Variants in METTL15 observed in about 807,000 individuals in gnomAD.
METTL15 encodes the protein methyltransferase 15, mitochondrial 12S rRNA N4-cytidine, also known as 12S rRNA N(4)-cytidine methyltransferase METTL15.
A neutral mutation model predicts 38.3 loss-of-function variants in METTL15; 34 were observed. That is an observed-to-expected ratio of 0.89 (90% CI 0.68 to 1.18). The LOEUF is 1.18. Ranked by LOEUF, METTL15 falls within the 50% of genes most tolerant of loss-of-function variation. The pLI is 0.00. For synonymous variants in METTL15, 162 were observed against 170.9 expected (o/e 0.95, Z 0.41); for missense variants, 438 against 498.4 (o/e 0.88, Z 1.15).
chr11:28,160,158 G>A (rs568636123), intron 3 of METTL15, among the ~76,000 whole-genome samples: 2 of 151,900 alleles, frequency 1.3e-5, no homozygotes, highest in South Asian at 2.1e-4. Context: ...CTTGGACTTC[G>A]GACTCCGTGT....
At chr11:28,168,092 A>G (rs1483858) in intron 3 of METTL15, among the ~76,000 whole-genome samples, 57,170 of 151,744 alleles carry the variant, frequency 0.38, 12,307 homozygotes, top group African/African-American at 0.59. Context: ...TCAGTTTTTT[A>G]CTTTCTTTTT....
chr11:28,417,103 C>A, intron 5 of METTL15, among the ~76,000 whole-genome samples: 1 of 152,082 alleles, frequency 6.6e-6, no homozygotes, highest in East Asian at 1.9e-4. Flanking sequence ...CTATGTCTGG[C>A]CTTAGTGAGA....
At chr11:28,426,222 AT>A (rs1850862645) in intron 6 of METTL15, among the ~76,000 whole-genome samples, 1 of 151,902 alleles carries the variant, frequency 6.6e-6, no homozygotes, top group Non-Finnish European at 1.5e-5. Flanking sequence ...CCCTGTGTTA[AT>A]TTGCTGAGGA....
At chr11:28,294,387 C>T (rs541524783) in intron 5 of METTL15, among the ~76,000 whole-genome samples, 1 of 152,262 alleles carries the variant, frequency 6.6e-6, no homozygotes, top group South Asian at 2.1e-4. Flanking sequence ...GGAGATGTAT[C>T]CCTGTGATGA....
intron 1 of METTL15, among the ~76,000 whole-genome samples, chr11:28,108,807 T>C (rs987105084): frequency 6.6e-6 from 1 of 152,212 alleles, no homozygotes; most frequent in Non-Finnish European, 1.5e-5. Flanking sequence ...AGATTTTGGC[T>C]TGGTTTATTA....
At position 28,467,015 on chromosome 11, in the gene METTL15, C is replaced by A. The variant is rs186746112; in HGVS notation, c.*424+42651C>A. Among the ~76,000 whole-genome samples, 4 of 152,280 alleles carry A rather than the reference C, an allele frequency of 2.6e-5. No homozygotes were observed. The East Asian group carries it at 5.8e-4, about 22-fold the overall frequency. On this transcript the variant is annotated intron_variant and NMD_transcript_variant, in intron 6 of 7. Coordinates refer to the METTL15 transcript ENST00000532947. ...GAAAAGTGCACATGAATTCTGGTGG[C>A]CTGGCCTGAAATATCCCTCTCCCAG... is the stretch of plus-strand genomic sequence containing the variant.
chr11:28,334,690 T>C (rs1023578800), downstream of METTL15, among the ~76,000 whole-genome samples: 2 of 152,186 alleles, frequency 1.3e-5, no homozygotes, highest in Non-Finnish European at 2.9e-5. Flanking sequence ...CTTATCTGTT[T>C]ATAGCTACTA....
intron 5 of METTL15, among the ~76,000 whole-genome samples, chr11:28,385,077 C>T (rs996163294): frequency 6.6e-6 from 1 of 152,108 alleles, no homozygotes; most frequent in Non-Finnish European, 1.5e-5. Context: ...CAAATATTTT[C>T]TTCCATTATG....
rs150561635 is a variant in METTL15, at chr11:28,281,912, A to G, written c.408-8294A>G. Among the ~76,000 whole-genome samples, 98 of 152,298 alleles carry G rather than the reference A, an allele frequency of 6.4e-4. 1 individual carries two copies. The highest frequency in any genetic ancestry group is 2.3e-3 in the African/African-American group (94 of 41,556). On this transcript the variant is annotated intron_variant, in intron 4 of 6. Coordinates refer to ENST00000407364, the MANE Select transcript of METTL15 (RefSeq NM_001113528.2). ...TTCCAGAGTGGGGAAAGATTACTCC[A>G]CTGAATAAATTTTAAAAGGGTTACT... is the stretch of plus-strand genomic sequence containing the variant.
chr11:28,156,893 T>C (rs1850283389), intron 3 of METTL15, among the ~76,000 whole-genome samples: 2 of 152,180 alleles, frequency 1.3e-5, no homozygotes, highest in Admixed American at 1.3e-4. Context: ...GAAAAATATC[T>C]TTGACAGCAA....
At chr11:28,242,155 G>A (rs571388914) in intron 4 of METTL15, among the ~76,000 whole-genome samples, 89 of 152,230 alleles carry the variant, frequency 5.8e-4, no homozygotes, top group African/African-American at 2.0e-3. Flanking sequence ...TTTGGTATTT[G>A]TATAGAAGAA....
chr11:28,207,570 C>CT (rs904837553), intron 3 of METTL15, among the ~76,000 whole-genome samples: 3 of 151,964 alleles, frequency 2.0e-5, no homozygotes, highest in Admixed American at 2.0e-4. Context: ...CTAAAATTCT[C>CT]TTTTTTTGTT....
At chr11:28,402,150 A>G (rs994630557) in intron 5 of METTL15, among the ~76,000 whole-genome samples, 3 of 151,994 alleles carry the variant, frequency 2.0e-5, no homozygotes, top group Non-Finnish European at 4.4e-5. Context: ...TGTCACCATT[A>G]TACAATAGCC....
chr11:28,329,926 T>C (rs1849759502), intron 6 of METTL15, among the ~76,000 whole-genome samples: 1 of 152,118 alleles, frequency 6.6e-6, no homozygotes, highest in Admixed American at 6.6e-5. Flanking sequence ...CATAAAAAAT[T>C]AGCTGTTAAT....
intron 4 of METTL15, among the ~76,000 whole-genome samples, chr11:28,216,140 A>G (rs1852858135): frequency 6.6e-6 from 1 of 152,120 alleles, no homozygotes. Context: ...TTAGATTTGG[A>G]TGATGTGCTC....
intron 3 of METTL15, among the ~76,000 whole-genome samples, chr11:28,117,835 T>C (rs12287817): frequency 0.15 from 23,323 of 152,154 alleles, 1,943 homozygotes; most frequent in East Asian, 0.28. Flanking sequence ...GTCTTCATTT[T>C]GTCCATAATC....
chr11:28,495,835 A>G (rs1851531464), intron 6 of METTL15, among the ~76,000 whole-genome samples: 1 of 152,106 alleles, frequency 6.6e-6, no homozygotes, highest in Non-Finnish European at 1.5e-5. Context: ...TATGCTGGAA[A>G]GCTCAGAGAA....
At chr11:28,373,989 T>C (rs1457451677) in intron 5 of METTL15, among the ~76,000 whole-genome samples, 5 of 152,114 alleles carry the variant, frequency 3.3e-5, no homozygotes, top group Non-Finnish European at 7.4e-5. Context: ...TATGCGGCGT[T>C]ATTTCTGAGG....
At chr11:28,195,062 A>G (rs999288563) in intron 3 of METTL15, among the ~76,000 whole-genome samples, 12 of 152,122 alleles carry the variant, frequency 7.9e-5, no homozygotes, top group African/African-American at 2.9e-4. Flanking sequence ...GTGGTATTCC[A>G]TGGTATATAT....
Sources: allele counts gnomAD v4.1 joint callset (sites outside exome capture counted in the v4.1 genomes callset), GRCh38; gene constraint gnomAD v4.1.1; transcripts MANE v1.5; gene names NCBI Gene and HGNC (gene_info 2026-07-23, HGNC 2026-07-21).